The following GEMIN8 variants were observed in gnomAD, a reference collection of about 807,000 sequenced individuals.
The protein encoded by GEMIN8 is gem-associated protein 8.
For missense variants in GEMIN8, 185 were observed against 205.9 expected, an observed-to-expected ratio of 0.90 and a Z score of 0.62; for synonymous variants, 80 against 78.5, an observed-to-expected ratio of 1.02 and a Z score of -0.10.
intron 2 of GEMIN8, among the ~76,000 whole-genome samples, chrX:14,022,841 A>G (rs1012385333): frequency 3.1e-4 from 35 of 112,294 alleles, no homozygotes; most frequent in Admixed American, 9.4e-5. Flanking sequence ...AACCCTTAAG[A>G]AACAAACTTT....
chrX:14,014,814 G>A (rs1031006343), intron 4 of GEMIN8, among the ~76,000 whole-genome samples: 2 of 110,793 alleles, frequency 1.8e-5, no homozygotes, highest in African/African-American at 6.5e-5. Context: ...TCTCTGGTAA[G>A]AACAGCACTT....
intron 2 of GEMIN8, among the ~76,000 whole-genome samples, chrX:14,023,941 G>A (rs983652219): frequency 7.1e-5 from 8 of 112,384 alleles, no homozygotes; most frequent in African/African-American, 2.6e-4. Flanking sequence ...ACTGGGAAGT[G>A]TGATAGCCTC....
chrX:14,025,242 C>T (rs1250232615), intron 2 of GEMIN8, among the ~76,000 whole-genome samples: 3 of 110,418 alleles, frequency 2.7e-5, no homozygotes, highest in African/African-American at 9.9e-5. Context: ...TTACTTTATG[C>T]CAGCAATTTT....
downstream of GEMIN8, among the ~76,000 whole-genome samples, chrX:14,006,237 C>T (rs934491341): frequency 7.2e-5 from 8 of 110,593 alleles, no homozygotes; most frequent in Non-Finnish European, 1.3e-4. Context: ...CCATGTTGGC[C>T]AGGCTGGTCT....
At chrX:14,026,780 T>C (rs2147145116) in intron 1 of GEMIN8, among the ~76,000 whole-genome samples, 1 of 112,793 alleles carries the variant, frequency 8.9e-6, no homozygotes, top group African/African-American at 3.2e-5. Context: ...AAAACTAGAA[T>C]GTATACTTGA....
At chrX:14,005,268 G>T (rs1923106023), downstream of GEMIN8, among the ~76,000 whole-genome samples, 1 of 111,027 alleles carries the variant, frequency 9.0e-6, no homozygotes, top group Non-Finnish European at 1.9e-5. Context: ...TGATTAGAAG[G>T]TTGGAATTTT....
chrX:14,005,641 T>A (rs1313611948), downstream of GEMIN8, among the ~76,000 whole-genome samples: 2 of 112,256 alleles, frequency 1.8e-5, no homozygotes, highest in East Asian at 2.8e-4. Context: ...GTGGGAACCC[T>A]AATTGATAGC....
At chrX:13,995,774 T>C in the GEMIN8 span, among the ~76,000 whole-genome samples, 6 of 111,557 alleles carry the variant, frequency 5.4e-5, no homozygotes, top group Non-Finnish European at 1.1e-4. Context: ...TGTGATGACA[T>C]TGGGCCCACT....
At chrX:14,014,182 C>T in intron 4 of GEMIN8, 1 of 752,072 alleles carries the variant, frequency 1.3e-6, no homozygotes, top group South Asian at 6.8e-5. Flanking sequence ...TTTCCCCTCA[C>T]TTTCCTAGGA....
downstream of GEMIN8, among the ~76,000 whole-genome samples, chrX:14,003,795 A>C (rs759546084): frequency 2.0e-4 from 23 of 112,530 alleles, no homozygotes; most frequent in Non-Finnish European, 3.0e-4. Context: ...TTGCTAAAGA[A>C]ATTAGTATTT....
the GEMIN8 span, among the ~76,000 whole-genome samples, chrX:13,996,426 C>T: frequency 8.9e-6 from 1 of 111,787 alleles, no homozygotes; most frequent in African/African-American, 3.2e-5. Flanking sequence ...AGAGGCCTTG[C>T]AATCATGGCA....
At chrX:13,995,254 A>G in the GEMIN8 span, among the ~76,000 whole-genome samples, 1 of 112,062 alleles carries the variant, frequency 8.9e-6, no homozygotes, top group Non-Finnish European at 1.9e-5. Context: ...CCTGGGTTCA[A>G]TCTTCACCCC....
rs1251625226 is a variant in GEMIN8, at chrX:14,020,306, C to T, written c.244G>A (p.Ala82Thr). Reference protein sequence around the residue: ...YPQSFYDHHVAWQDYPCSSSH... With the variant: ...YPQSFYDHHVTWQDYPCSSSH... Reference sequence around the variant, plus strand: ...GAACTGCAGGGGTAGTCCTGCCAGGCCACATGATGGTCATAGAAGGACTGA... The same window carrying T: ...GAACTGCAGGGGTAGTCCTGCCAGGTCACATGATGGTCATAGAAGGACTGA... Residue 82 changes from alanine (A) to threonine (T), a missense_variant, in exon 4 of 5, where the codon GCC (alanine) becomes ACC (threonine). By Grantham distance (58) the Ala-to-Thr change is moderately conservative. Transcript: ENST00000680255. 1 of 1,208,701 alleles carries T rather than the reference C, an allele frequency of 8.3e-7. No individual in the cohort carries two copies. The highest frequency in any genetic ancestry group is 1.1e-6 in the Non-Finnish European group (1 of 892,678).
At chrX:14,015,114 T>C (rs754396820) in intron 4 of GEMIN8, among the ~76,000 whole-genome samples, 1 of 111,723 alleles carries the variant, frequency 9.0e-6, no homozygotes, top group Non-Finnish European at 1.9e-5. Flanking sequence ...CCTCAAAACA[T>C]AGGTCATAAA....
chrX:13,996,328 G>A, the GEMIN8 span, among the ~76,000 whole-genome samples: 9 of 111,780 alleles, frequency 8.1e-5, no homozygotes, highest in East Asian at 5.6e-4. Flanking sequence ...GTATTAGTTC[G>A]TTTTCATAAT....
Position 14,029,334 on chromosome X carries a change from T to A in GEMIN8, c.-116+443A>T, listed in dbSNP as rs187069881. On this transcript the variant is annotated intron_variant, in intron 1 of 4. Transcript: ENST00000680255. Reference sequence around the variant, plus strand: ...ACATCCTTCAAGTATGTGGCTGTCCTGGGCGATCTTCTATTCAGATACTGG... The same window carrying A: ...ACATCCTTCAAGTATGTGGCTGTCCAGGGCGATCTTCTATTCAGATACTGG... 4.4e-5 allele frequency: 5 copies of A among 112,560 alleles called. No homozygotes were observed. The Admixed American group carries it at 4.7e-4, about 11-fold the overall frequency. 9.3% of individuals were successfully genotyped at this position (112,560 alleles called of 1,213,427 possible). A position where few individuals can be genotyped will look rare whatever the true frequency, so the allele number is the denominator to read the frequency against.
chrX:13,993,912 A>G, the GEMIN8 span, among the ~76,000 whole-genome samples: 1 of 111,532 alleles, frequency 9.0e-6, no homozygotes, highest in East Asian at 2.8e-4. Flanking sequence ...AGAATCTCTG[A>G]CAGCAGGGCC....
chrX:14,021,085 A>G (rs1170059444), intron 3 of GEMIN8, among the ~76,000 whole-genome samples: 4 of 110,716 alleles, frequency 3.6e-5, no homozygotes, highest in Non-Finnish European at 5.7e-5. Flanking sequence ...GGTCTTCTCC[A>G]TCGTGCAATG....
intron 4 of GEMIN8, among the ~76,000 whole-genome samples, chrX:14,018,271 G>T (rs1018099232): frequency 1.8e-5 from 2 of 112,303 alleles, no homozygotes; most frequent in African/African-American, 6.5e-5. Flanking sequence ...TAACTGAACC[G>T]TTCACATTTT....
Sources: gnomAD v4.1 joint callset for allele counts (sites outside exome capture counted in the v4.1 genomes callset) on GRCh38, gnomAD v4.1.1 for gene constraint, MANE v1.5 for transcripts, NCBI Gene and HGNC (gene_info 2026-07-23, HGNC 2026-07-21) for gene names.